KCNJ5: variants seen among roughly 807,000 people sequenced by gnomAD.
The protein encoded by KCNJ5 is G protein-activated inward rectifier potassium channel 4.
In KCNJ5, 12 loss-of-function variants were observed where a neutral mutation model predicts 20.2. That is an observed-to-expected ratio of 0.59 (90% confidence interval 0.38 to 0.96). The LOEUF is 0.96. Among genes scored for constraint, KCNJ5 ranks in the 40% least tolerant of loss-of-function variants. The pLI is 0.00. For missense variants in KCNJ5, 449 were observed against 557.6 expected (o/e 0.81, Z 1.96); for synonymous variants, 210 against 213.9 (o/e 0.98, Z 0.16).
At chr11:128,913,490 G>A (rs372419741) in intron 2 of KCNJ5, among the ~76,000 whole-genome samples, 133 of 152,186 alleles carry the variant, frequency 8.7e-4, no homozygotes, top group African/African-American at 2.9e-3. Context: ...CTGAACTCTG[G>A]CAGAGGACCC....
intron 1 of KCNJ5, among the ~76,000 whole-genome samples, chr11:128,897,726 C>T (rs1463693749): frequency 6.6e-6 from 1 of 152,178 alleles, no homozygotes; most frequent in Non-Finnish European, 1.5e-5. Context: ...GAACTCTTTG[C>T]CTGCCCTAGA....
rs886048000 is a variant in KCNJ5 at position 128,891,439 on chromosome 11, C to CAGAAAGAGAGAGAGAGAGAGAG, written c.-292_-291insGAAAGAGAGAGAGAGAGAGAGA. 4.4e-5 allele frequency: 3 copies of CAGAAAGAGAGAGAGAGAGAGAG among 68,776 alleles called. No individual in the cohort carries two copies. Among genetic ancestry groups the CAGAAAGAGAGAGAGAGAGAGAG allele is most frequent in the African/African-American group, 2.0e-4 (3 of 15,150 alleles). 4.3% of individuals were successfully genotyped at this position (68,776 alleles called of 1,614,324 possible). A position where few individuals can be genotyped will look rare whatever the true frequency, so the allele number is the denominator to read the frequency against. ...ACACACACACACACACACACACACA[C>CAGAAAGAGAGAGAGAGAGAGAG]ACAGAGAGAGAGAGAGAGAGAGAGA... On this transcript the variant is annotated 5_prime_UTR_variant, in exon 1 of 3. Transcript: ENST00000529694.
chr11:128,915,795 A>C (rs1944567684), intron 2 of KCNJ5, among the ~76,000 whole-genome samples: 1 of 73,964 alleles, frequency 1.4e-5, no homozygotes, highest in Admixed American at 1.4e-4. Context: ...GGATAATTGG[A>C]TGGATGGATG....
chr11:128,911,468 C>G lies in KCNJ5; in HGVS notation c.195C>G (p.Gly65=). 6.2e-7 allele frequency: 1 copy of G among 1,614,266 alleles called. No homozygotes were observed. Among genetic ancestry groups the G allele is most frequent in the East Asian group, 2.2e-5 (1 of 44,884 alleles). Residue 65 remains glycine, a synonymous_variant, in exon 2 of 3, where the codon GGC becomes GGG. Transcript: ENST00000529694. This position sits in a 1 kb window ranked among gnomAD's most constrained non-coding sequence, Gnocchi z 6.3. The stretch of plus-strand genomic sequence containing the variant: ...GTGGCAAGTGCAACGTGCACCACGG[C>G]AACGTCCAGGAGACCTACCGGTACC... ...EKSGKCNVHH[G]NVQETYRYLS...
intron 1 of KCNJ5, among the ~76,000 whole-genome samples, chr11:128,908,438 C>A (rs1040882673): frequency 6.6e-6 from 1 of 152,176 alleles, no homozygotes; most frequent in Non-Finnish European, 1.5e-5. Flanking sequence ...AGATGTTACC[C>A]TGGGTTGAGC....
In KCNJ5 at chr11:128,912,101, C is replaced by A. The variant is rs1944513594; in HGVS notation, c.828C>A (p.Ile276=). 3.1e-6 allele frequency: 5 copies of A among 1,613,770 alleles called. No individual in the cohort carries two copies. The highest frequency in any genetic ancestry group is 4.2e-6 in the Non-Finnish European group (5 of 1,179,970). ...TCTTCCTTGTGTCTCCTCTGATCAT[C>A]TCCCATGAGATCAACCAGAAGAGCC... ...DRLFLVSPLI[I]SHEINQKSPF... is the part of the protein sequence containing the mutation. The change falls in exon 2 of 3, where the codon ATC becomes ATA. Residue 276 remains isoleucine (I), a synonymous_variant. Coordinates refer to ENST00000529694, the MANE Select transcript of KCNJ5 (RefSeq NM_000890.5).
At chr11:128,910,461 T>C (rs1371620974) in intron 1 of KCNJ5, among the ~76,000 whole-genome samples, 2 of 152,198 alleles carry the variant, frequency 1.3e-5, no homozygotes, top group African/African-American at 4.8e-5. Context: ...GGGTGACCAA[T>C]TGACAAATCA....
intron 1 of KCNJ5, among the ~76,000 whole-genome samples, chr11:128,894,156 C>G (rs1290385384): frequency 6.7e-6 from 1 of 150,340 alleles, no homozygotes; most frequent in Non-Finnish European, 1.5e-5. Flanking sequence ...CTTTCATGTA[C>G]TTGAAAACTG....
intron 1 of KCNJ5, among the ~76,000 whole-genome samples, chr11:128,897,426 G>GC (rs1944194236): frequency 6.6e-6 from 1 of 151,924 alleles, no homozygotes; most frequent in African/African-American, 2.4e-5. Context: ...ATGCTTATTT[G>GC]CCCCCCATAT....
chr11:128,904,662 C>T lies in KCNJ5; in HGVS notation c.-10-6602C>T, dbSNP rs563059930. ...GCCAGATCCCCAGGAAGGGAAAGCA[C>T]AGGAACGAATGCCAGTGAAGTGTGA... On this transcript the variant is annotated intron_variant, in intron 1 of 2. Coordinates refer to ENST00000529694, the MANE Select transcript of KCNJ5 (RefSeq NM_000890.5). 12 of 661,072 alleles carry T rather than the reference C, an allele frequency of 1.8e-5. 1 individual carries two copies. Among genetic ancestry groups the T allele is most frequent in the African/African-American group, 1.8e-4 (10 of 56,190 alleles). 41.0% of individuals were successfully genotyped at this position (661,072 alleles called of 1,614,324 possible). A position where few individuals can be genotyped will look rare whatever the true frequency, so the allele number is the denominator to read the frequency against.
At chr11:128,915,971 T>C (rs1379670356) in intron 2 of KCNJ5, among the ~76,000 whole-genome samples, 1 of 92,236 alleles carries the variant, frequency 1.1e-5, no homozygotes, top group African/African-American at 4.0e-5. Flanking sequence ...ATTGGATGGA[T>C]GGATGGATGG....
intron 1 of KCNJ5, chr11:128,899,760 C>T (rs1944239304): frequency 6.6e-6 from 1 of 152,164 alleles, no homozygotes; most frequent in African/African-American, 2.4e-5. Context: ...ATTTGATTTC[C>T]GTGCCCTTTT....
At chr11:128,904,592 G>A (rs1275012063) in intron 1 of KCNJ5, 1 of 870,308 alleles carries the variant, frequency 1.1e-6, no homozygotes. Flanking sequence ...GCAAAACCGC[G>A]GACTCTGGAA....
chr11:128,914,599 G>T (rs756445908), intron 2 of KCNJ5, among the ~76,000 whole-genome samples: 1 of 152,168 alleles, frequency 6.6e-6, no homozygotes, highest in African/African-American at 2.4e-5. Context: ...CAACTCTGCC[G>T]TATCCTGCCT....
In KCNJ5 at chr11:128,891,465, G is replaced by GAA. The variant is rs1944088198; in HGVS notation, c.-266_-265insAA. 1 of 152,444 alleles carries GAA rather than the reference G, an allele frequency of 6.6e-6. No individual in the cohort carries two copies. The highest frequency in any genetic ancestry group is 2.4e-5 in the African/African-American group (1 of 41,152). 9.4% of individuals were successfully genotyped at this position (152,444 alleles called of 1,614,324 possible). On this transcript the variant is annotated 5_prime_UTR_variant, in exon 1 of 3. Transcript: ENST00000529694. ...ACAGAGAGAGAGAGAGAGAGAGAGA[G>GAA]AGAGAGAGAGATTGTTCCAGCTGCT...
intron 1 of KCNJ5, among the ~76,000 whole-genome samples, chr11:128,906,903 G>A (rs1280083833): frequency 2.0e-5 from 3 of 152,172 alleles, no homozygotes; most frequent in African/African-American, 2.4e-5. Flanking sequence ...TCACGAGGGT[G>A]TGTTGGAATT....
rs1408586450 is a variant in KCNJ5 at position 128,911,682 on chromosome 11, G to A, written c.409G>A (p.Val137Met). 3.1e-6 allele frequency: 5 copies of A among 1,614,176 alleles called. No homozygotes were observed. Among genetic ancestry groups the A allele is most frequent in the Non-Finnish European group, 3.4e-6 (4 of 1,180,024 alleles). The change falls in exon 2 of 3, where the codon GTG becomes ATG. Residue 137 changes from valine to methionine, a missense_variant. Transcript: ENST00000529694. This position sits in a 1 kb window ranked among gnomAD's most constrained non-coding sequence, Gnocchi z 6.3. ...IPCVENLSGF[V>M]SAFLFSIETE... ...TTGTGTTGAAAACCTCAGTGGCTTC[G>A]TGTCCGCTTTCCTGTTCTCCATTGA...
chr11:128,892,479 C>T (rs897318246), intron 1 of KCNJ5, among the ~76,000 whole-genome samples: 2 of 152,198 alleles, frequency 1.3e-5, no homozygotes, highest in Admixed American at 1.3e-4. Flanking sequence ...TAGGGCCTAC[C>T]CTGAACATCA....
At chr11:128,908,139 A>G (rs967430330) in intron 1 of KCNJ5, among the ~76,000 whole-genome samples, 1 of 152,326 alleles carries the variant, frequency 6.6e-6, no homozygotes, top group Non-Finnish European at 1.5e-5. Flanking sequence ...GCCTTTAGCT[A>G]TTTGTCTTAG....
Sources: gnomAD v4.1 joint callset for allele counts (sites outside exome capture counted in the v4.1 genomes callset) on GRCh38, gnomAD v4.1.1 for gene constraint, Gnocchi (gnomAD v3.1) non-coding constraint, MANE v1.5 for transcripts, NCBI Gene and HGNC (gene_info 2026-07-23, HGNC 2026-07-21) for gene names.